Variants in DRC4 observed in about 807,000 individuals in gnomAD.
DRC4 encodes GAS-11.
the DRC4 span, chr16:90,043,926 G>A: frequency 2.3e-6 from 1 of 432,448 alleles, no homozygotes; most frequent in Non-Finnish European, 4.8e-6. Context: ...AACTCCCTCG[G>A]TAGGTGATGT....
At chr16:90,042,080 C>G in the DRC4 span, among the ~76,000 whole-genome samples, 1 of 152,006 alleles carries the variant, frequency 6.6e-6, no homozygotes. Context: ...TGGGATTACA[C>G]AGGTGTGAGC....
the DRC4 span, chr16:90,040,513 G>C: frequency 6.3e-7 from 1 of 1,593,706 alleles, no homozygotes; most frequent in Non-Finnish European, 8.5e-7. Context: ...GCTGGAGGTA[G>C]GCCCTAGACA....
At chr16:90,042,417 G>A in the DRC4 span, 91 of 1,549,456 alleles carry the variant, frequency 5.9e-5, 1 homozygote, top group Admixed American at 3.3e-4. Flanking sequence ...GGCCGCTCCC[G>A]TTGCCTCGGC....
the DRC4 span, among the ~76,000 whole-genome samples, chr16:90,027,219 G>A: frequency 1.3e-5 from 2 of 151,832 alleles, no homozygotes; most frequent in South Asian, 4.2e-4. Context: ...CCGAGTAGCT[G>A]GGACTACAGG....
chr16:90,036,769 A>G, the DRC4 span: 1 of 709,808 alleles, frequency 1.4e-6, no homozygotes, highest in African/African-American at 1.7e-5. Flanking sequence ...ACCTATCTCT[A>G]CCTATTGTTA....
At chr16:90,019,979 GC>G in the DRC4 span, 4 of 698,258 alleles carry the variant, frequency 5.7e-6, no homozygotes, top group Non-Finnish European at 7.8e-6. This position sits in a 1 kb window ranked among gnomAD's most constrained non-coding sequence, Gnocchi z 6.1. Flanking sequence ...AGGGCGGCGG[GC>G]CCGGGCTGCA....
chr16:90,033,006 C>T, the DRC4 span: 18 of 1,202,826 alleles, frequency 1.5e-5, no homozygotes, highest in South Asian at 2.7e-5. Flanking sequence ...GTTTATTCAA[C>T]AGCAACTGGG....
At chr16:90,024,330 A>T in the DRC4 span, among the ~76,000 whole-genome samples, 3 of 152,196 alleles carry the variant, frequency 2.0e-5, no homozygotes, top group African/African-American at 7.2e-5. Flanking sequence ...GCACCGGCCC[A>T]GTCAGATTAA....
the DRC4 span, among the ~76,000 whole-genome samples, chr16:90,038,892 T>C: frequency 3.3e-5 from 5 of 152,228 alleles, no homozygotes; most frequent in Non-Finnish European, 5.9e-5. Flanking sequence ...GCTTTGTCTG[T>C]GGTGTGCGGG....
the DRC4 span, among the ~76,000 whole-genome samples, chr16:90,028,659 A>G: frequency 2.6e-5 from 4 of 152,198 alleles, no homozygotes; most frequent in Admixed American, 2.0e-4. Context: ...ACATAATTAC[A>G]TAATTACAAT....
the DRC4 span, among the ~76,000 whole-genome samples, chr16:90,039,100 C>T: frequency 3.3e-5 from 5 of 152,320 alleles, no homozygotes; most frequent in South Asian, 6.2e-4. Context: ...ACTCTTGGCA[C>T]CTAAGGGAAG....
the DRC4 span, among the ~76,000 whole-genome samples, chr16:90,034,103 C>G: frequency 4.6e-5 from 7 of 152,226 alleles, no homozygotes; most frequent in African/African-American, 1.7e-4. Context: ...AGATGTGTCT[C>G]ACTAAGGTTC....
chr16:90,025,831 T>G, the DRC4 span, among the ~76,000 whole-genome samples: 5 of 138,972 alleles, frequency 3.6e-5, no homozygotes, highest in Admixed American at 3.8e-4. Flanking sequence ...GAGGTTGCAG[T>G]GAGCCAAGGC....
At chr16:90,028,277 C>T in the DRC4 span, among the ~76,000 whole-genome samples, 1 of 148,590 alleles carries the variant, frequency 6.7e-6, no homozygotes, top group Non-Finnish European at 1.5e-5. Flanking sequence ...CTCCACCTCC[C>T]GGGTTCACAC....
the DRC4 span, chr16:90,042,755 A>T: frequency 5.3e-6 from 3 of 570,956 alleles, no homozygotes; most frequent in African/African-American, 1.9e-5. Context: ...CTCTGCTGGG[A>T]TGGGTGTAGG....
At chr16:90,028,307 C>T in the DRC4 span, among the ~76,000 whole-genome samples, 15 of 151,176 alleles carry the variant, frequency 9.9e-5, no homozygotes, top group African/African-American at 3.2e-4. Context: ...GCCTCAGCCT[C>T]CCGAGTAGCT....
At chr16:90,019,646 C>T in the DRC4 span, 1 of 430,032 alleles carries the variant, frequency 2.3e-6, no homozygotes, top group Non-Finnish European at 4.1e-6. This position sits in a 1 kb window ranked among gnomAD's most constrained non-coding sequence, Gnocchi z 6.1. Flanking sequence ...CCCTCGCGGG[C>T]CGCGCCCCGC....
chr16:90,036,405 A>C, the DRC4 span: 1 of 1,608,924 alleles, frequency 6.2e-7, no homozygotes, highest in African/African-American at 1.3e-5. Flanking sequence ...TATGATAAGA[A>C]GATGAAGATG....
chr16:90,034,263 T>G, the DRC4 span, among the ~76,000 whole-genome samples: 1 of 152,200 alleles, frequency 6.6e-6, no homozygotes, highest in Admixed American at 6.5e-5. Context: ...CCCTCCAGAA[T>G]TAGCTGGTCT....
Sources: gnomAD v4.1 joint callset for allele counts (sites outside exome capture counted in the v4.1 genomes callset) on GRCh38, gnomAD v4.1.1 for gene constraint, Gnocchi (gnomAD v3.1) non-coding constraint, MANE v1.5 for transcripts, NCBI Gene and HGNC (gene_info 2026-07-23, HGNC 2026-07-21) for gene names.